The following DDB1 variants were observed in gnomAD, a reference collection of about 807,000 sequenced individuals.
The protein encoded by DDB1 is damage specific DNA binding protein 1.
A neutral mutation model predicts 133.1 loss-of-function variants in DDB1; 18 were observed. The observed-to-expected ratio is 0.14, with a 90% CI of 0.09 to 0.20. The LOEUF is 0.20. Ranked by LOEUF, DDB1 falls within the 10% of genes least tolerant of loss-of-function variation. The pLI is 1.00. For missense variants in DDB1, 828 were observed against 1,459.2 expected, an observed-to-expected ratio of 0.57 and a Z score of 7.05; for synonymous variants, 580 against 550.5, an observed-to-expected ratio of 1.05 and a Z score of -0.75.
intron 10 of DDB1, among the ~76,000 whole-genome samples, chr11:61,320,933 G>GAGT (rs1856167827): frequency 1.3e-5 from 2 of 148,710 alleles, no homozygotes; most frequent in Non-Finnish European, 3.0e-5. Flanking sequence ...GCCCAAACTA[G>GAGT]AGTGCAGTGG....
Position 61,331,584 on chromosome 11 carries a change from T to C in DDB1, c.169A>G (p.Met57Val), listed in dbSNP as rs1856371242. 1.9e-6 allele frequency: 3 copies of C among 1,614,234 alleles called. No homozygotes were observed. The highest frequency in any genetic ancestry group is 2.5e-6 in the Non-Finnish European group (3 of 1,180,040). The change falls in exon 2 of 27, where the codon ATG (methionine) becomes GTG (valine). Residue 57 changes from methionine (M) to valine (V), a missense_variant. Met to Val is a conservative substitution (Grantham distance 21). Around this residue, in one of 7 missense-constraint regions of DDB1, gnomAD observed 210 missense variants for 344.8 expected, o/e 0.61. Coordinates refer to ENST00000301764, the MANE Select transcript of DDB1 (RefSeq NM_001923.5). The stretch of plus-strand genomic sequence containing the variant: ...TCCATGACCGCAATCTTCCCATACA[T>C]GCCCACCTCTTTGACGGGCCGAAGC... ...EGLRPVKEVG[M>V]YGKIAVMELF...
At chr11:61,321,930 G>GCTTA in intron 9 of DDB1, 1 of 556,244 alleles carries the variant, frequency 1.8e-6, no homozygotes, top group Non-Finnish European at 3.2e-6. Flanking sequence ...TAGCAAGCTT[G>GCTTA]CTTAGATCGC....
intron 21 of DDB1, among the ~76,000 whole-genome samples, chr11:61,304,670 C>A (rs1019197365): frequency 1.3e-4 from 19 of 151,742 alleles, no homozygotes; most frequent in African/African-American, 4.6e-4. Flanking sequence ...GTCAGGAGAA[C>A]GAGACCATCC....
chr11:61,321,041 C>T (rs1049712348), intron 10 of DDB1, among the ~76,000 whole-genome samples: 1 of 151,954 alleles, frequency 6.6e-6, no homozygotes, highest in African/African-American at 2.4e-5. Flanking sequence ...TGCACCATCA[C>T]CCCTGGCTAA....
chr11:61,301,041 A>T (rs1455484280), intron 25 of DDB1, 109 bp from the exon 26 acceptor site: 32 of 1,478,262 alleles, frequency 2.2e-5, no homozygotes, highest in Non-Finnish European at 2.9e-5. Flanking sequence ...TTAGAAAGGA[A>T]ATGACACTTC....
chr11:61,302,041 G>C (rs916561839), intron 25 of DDB1: 1 of 457,462 alleles, frequency 2.2e-6, no homozygotes, highest in Non-Finnish European at 4.0e-6. Flanking sequence ...TGGACCAGCG[G>C]AAGCTAGGTG....
intron 25 of DDB1, chr11:61,301,170 G>A: frequency 1.9e-6 from 1 of 524,094 alleles, no homozygotes; most frequent in Admixed American, 3.4e-5. Context: ...GTACAGATCA[G>A]AGTCTATTAA....
intron 22 of DDB1, 141 bp downstream of exon 22, chr11:61,303,724 A>C (rs1855837753): frequency 1.2e-6 from 1 of 835,938 alleles, no homozygotes; most frequent in South Asian, 2.1e-5. Flanking sequence ...AAAAAAAAAA[A>C]CTTAATCAAT....
At chr11:61,322,646 G>A in intron 8 of DDB1, 1 of 548,708 alleles carries the variant, frequency 1.8e-6, no homozygotes, top group South Asian at 2.7e-5. Context: ...GGATTTCAGA[G>A]AAGTAGTGAA....
intron 9 of DDB1, 40 bp downstream of exon 9, chr11:61,322,256 T>A (rs1856193645): frequency 1.3e-6 from 2 of 1,484,134 alleles, no homozygotes; most frequent in Admixed American, 1.7e-5. Flanking sequence ...ACAGTTTGAG[T>A]GGGCATATAC....
At position 61,299,885 on chromosome 11, in the gene DDB1, C is replaced by A. The variant is rs547082121; in HGVS notation, c.*251G>T. The A allele has an allele frequency of 2.2e-5, 12 of 550,106 alleles. No homozygotes were observed. The South Asian group carries it at 2.2e-4, about 10-fold the overall frequency. 34.1% of individuals were successfully genotyped at this position (550,106 alleles called of 1,614,324 possible). ...GGACAACTGGCAACACCAATCAAGG[C>A]TTGGTGGTCTAAGGTGATGGCTGGA... On this transcript the variant is annotated 3_prime_UTR_variant, in exon 27 of 27. Coordinates refer to ENST00000301764, the MANE Select transcript of DDB1 (RefSeq NM_001923.5).
Position 61,309,976 on chromosome 11 carries a change from A to T in DDB1, c.2402-16T>A. 1.2e-6 allele frequency: 2 copies of T among 1,614,176 alleles called. No homozygotes were observed. Among genetic ancestry groups the T allele is most frequent in the East Asian group, 2.2e-5 (1 of 44,886 alleles). Reference sequence around the variant, plus strand: ...GCATGAAGCACTAGAGAGTAGAGAGATGACTACGTGATGACAGGTTACCCA... The same window carrying T: ...GCATGAAGCACTAGAGAGTAGAGAGTTGACTACGTGATGACAGGTTACCCA... On this transcript the variant is annotated splice_polypyrimidine_tract_variant and intron_variant, in intron 19 of 26. Transcript: ENST00000301764.
intron 10 of DDB1, among the ~76,000 whole-genome samples, chr11:61,317,569 C>T (rs1355780958): frequency 6.6e-6 from 1 of 152,110 alleles, no homozygotes; most frequent in Non-Finnish European, 1.5e-5. Context: ...TGCAATGGCA[C>T]GATCTCGGCT....
chr11:61,302,711 C>A lies in DDB1; in HGVS notation c.2983G>T (p.Val995Phe). ...AACTCGCCCAGGTGGAAAAGACCAA[C>A]CTCCTGGAGGTGCTGCCGCTCCTCG... The part of the protein sequence containing the change: ...TDEERQHLQE[V>F]GLFHLGEFVN... The change falls in exon 24 of 27, where the codon GTT becomes TTT. Residue 995 changes from valine to phenylalanine, a missense_variant. Val to Phe is a conservative substitution (Grantham distance 50). This residue lies in a region of DDB1 where 116 missense variants were observed against 221.6 expected (regional missense o/e 0.52). Transcript: ENST00000301764. The A allele has an allele frequency of 6.2e-7, 1 of 1,614,218 alleles. No homozygotes were observed.
intron 4 of DDB1, chr11:61,327,499 C>G (rs1396576738): frequency 6.5e-6 from 1 of 153,056 alleles, no homozygotes; most frequent in Non-Finnish European, 1.5e-5. Context: ...TCCTTAGCCT[C>G]GAGAAACTTA....
chr11:61,324,489 T>C lies in DDB1; in HGVS notation c.763-352A>G, dbSNP rs1222166111. ...TGTTATTTATTCTTAATACCACTAA[T>C]TACCCCCTACCACTGTGGCAATGCT... is the stretch of plus-strand genomic sequence containing the variant. On this transcript the variant is annotated intron_variant, in intron 6 of 26. Coordinates refer to ENST00000301764, the MANE Select transcript of DDB1 (RefSeq NM_001923.5). 3.3e-5 allele frequency: 7 copies of C among 209,676 alleles called. No individual in the cohort carries two copies. In the South Asian group the frequency reaches 3.9e-4, roughly 12 times the overall value. The allele number at this position is 209,676 out of a possible 1,614,324, so 13.0% of individuals were successfully genotyped here.
chr11:61,323,866 T>C (rs1269538391), intron 7 of DDB1, 113 bp downstream of exon 7: 5 of 1,183,306 alleles, frequency 4.2e-6, no homozygotes, highest in Non-Finnish European at 6.2e-6. Context: ...AACAACAGTT[T>C]GTTGTTAGGT....
At chr11:61,317,314 C>T (rs941101543) in intron 10 of DDB1, among the ~76,000 whole-genome samples, 7 of 151,576 alleles carry the variant, frequency 4.6e-5, no homozygotes, top group African/African-American at 1.7e-4. Flanking sequence ...AGGGTTTCAC[C>T]ATGTTAGCCA....
At chr11:61,314,619 A>G (rs1856035753) in intron 12 of DDB1, 133 bp from the exon 13 acceptor site, 1 of 887,734 alleles carries the variant, frequency 1.1e-6, no homozygotes, top group African/African-American at 1.7e-5. Context: ...TTATTCCCCA[A>G]AGTCCTGCTA....
Sources: allele counts gnomAD v4.1 joint callset (sites outside exome capture counted in the v4.1 genomes callset), GRCh38; gene constraint gnomAD v4.1.1; regional missense constraint gnomAD v4.1.1; transcripts MANE v1.5; gene names NCBI Gene and HGNC (gene_info 2026-07-23, HGNC 2026-07-21).